The following TMEM178B variants were observed in gnomAD, a reference collection of about 807,000 sequenced individuals.
TMEM178B encodes transmembrane protein 178B.
A neutral mutation model predicts 31.0 loss-of-function variants in TMEM178B; 5 were observed. The ratio of observed to expected loss-of-function variants is 0.16; its 90% CI spans 0.08 to 0.34. TMEM178B has a LOEUF of 0.34. Ranked by LOEUF, TMEM178B falls within the 10% of genes least tolerant of loss-of-function variation. The pLI, the probability that TMEM178B is intolerant of heterozygous loss-of-function variation, is 1.00. For synonymous variants in TMEM178B, 164 were observed against 164.0 expected, an observed-to-expected ratio of 1.00 and a Z score of 0.00; for missense variants, 275 against 400.3, an observed-to-expected ratio of 0.69 and a Z score of 2.67.
intron 3 of TMEM178B, among the ~76,000 whole-genome samples, chr7:141,456,091 C>G (rs1801956778): frequency 6.6e-6 from 1 of 152,208 alleles, no homozygotes; most frequent in African/African-American, 2.4e-5. Context: ...ATAATGACAT[C>G]TAATGGTCTC....
chr7:141,379,235 G>A (rs937967564), intron 2 of TMEM178B, among the ~76,000 whole-genome samples: 1 of 151,860 alleles, frequency 6.6e-6, no homozygotes, highest in Non-Finnish European at 1.5e-5. Flanking sequence ...GGGAGATCAA[G>A]GTGGGAGAAT....
At chr7:141,487,229 C>G in the TMEM178B span, among the ~76,000 whole-genome samples, 2 of 152,046 alleles carry the variant, frequency 1.3e-5, no homozygotes, top group South Asian at 4.2e-4. Context: ...ACGGACCTAC[C>G]AAGGGACATG....
At chr7:141,103,396 A>T (rs1795090119) in intron 1 of TMEM178B, among the ~76,000 whole-genome samples, 1 of 152,222 alleles carries the variant, frequency 6.6e-6, no homozygotes, top group African/African-American at 2.4e-5. Context: ...GAGTGCCTTC[A>T]GAATCCCATG....
chr7:141,510,708 A>G, the TMEM178B span, among the ~76,000 whole-genome samples: 2 of 135,436 alleles, frequency 1.5e-5, no homozygotes, highest in South Asian at 2.2e-4. Flanking sequence ...AAAAAAAAAA[A>G]AAAAGAAAAA....
At chr7:141,250,320 C>A (rs563763278) in intron 2 of TMEM178B, among the ~76,000 whole-genome samples, 1 of 152,234 alleles carries the variant, frequency 6.6e-6, no homozygotes, top group East Asian at 1.9e-4. Context: ...ATCATTATCC[C>A]ACTTTATAGA....
At chr7:141,323,830 C>CA (rs1018487231) in intron 2 of TMEM178B, among the ~76,000 whole-genome samples, 2 of 151,378 alleles carry the variant, frequency 1.3e-5, no homozygotes, top group African/African-American at 2.4e-5. Context: ...TACAAAGTAG[C>CA]AAAAAAAGCA....
At position 141,074,336 on chromosome 7, in the gene TMEM178B, A is replaced by G. The variant is rs1794559720; in HGVS notation, c.26A>G (p.Tyr9Cys). The change falls in exon 1 of 4, where the codon TAC becomes TGC. Residue 9 changes from tyrosine (Y) to cysteine (C), a missense_variant. By Grantham distance (194) the Tyr-to-Cys change is radical. Coordinates refer to ENST00000565468, the MANE Select transcript of TMEM178B (RefSeq NM_001195278.2). The surrounding 1 kb of genome is among the most constrained non-coding windows in gnomAD (Gnocchi z 5.1). MAAGRLLLYTGLSLALCAL... is the reference protein window; with the variant it reads MAAGRLLLCTGLSLALCAL... Reference sequence around the variant, plus strand: ...ATGGCTGCCGGAAGGTTACTGCTCTACACTGGCCTCTCGCTAGCGCTCTGC... The same window carrying G: ...ATGGCTGCCGGAAGGTTACTGCTCTGCACTGGCCTCTCGCTAGCGCTCTGC... The G allele has an allele frequency of 6.5e-7, 1 of 1,535,640 alleles. No homozygotes were observed. The highest frequency in any genetic ancestry group is 8.7e-7 in the Non-Finnish European group (1 of 1,146,692).
chr7:141,314,497 C>T (rs1000762292), intron 2 of TMEM178B, among the ~76,000 whole-genome samples: 3 of 152,144 alleles, frequency 2.0e-5, no homozygotes, highest in Non-Finnish European at 4.4e-5. Flanking sequence ...GCTCTCCTTC[C>T]ACCACATACT....
chr7:141,121,140 C>T (rs532688017), intron 1 of TMEM178B, among the ~76,000 whole-genome samples: 1 of 151,656 alleles, frequency 6.6e-6, no homozygotes, highest in Admixed American at 6.6e-5. Flanking sequence ...TGGTTAAATC[C>T]CTTGTCAGTG....
intron 1 of TMEM178B, among the ~76,000 whole-genome samples, chr7:141,082,788 G>A (rs892121858): frequency 2.0e-5 from 3 of 152,218 alleles, no homozygotes; most frequent in Non-Finnish European, 4.4e-5. Context: ...TCATTGTCAT[G>A]TGCAGTGGTA....
At chr7:141,253,734 T>C (rs556741953) in intron 2 of TMEM178B, among the ~76,000 whole-genome samples, 11 of 152,026 alleles carry the variant, frequency 7.2e-5, no homozygotes, top group Admixed American at 2.0e-4. Context: ...GTATTTTTAG[T>C]AGAGACGGGG....
chr7:141,184,655 ACTTCT>A (rs1481949823), intron 1 of TMEM178B, among the ~76,000 whole-genome samples: 1 of 152,008 alleles, frequency 6.6e-6, no homozygotes, highest in Admixed American at 6.5e-5. Context: ...ATTTTGTTAA[ACTTCT>A]CTTCTCTAGG....
chr7:141,349,005 CAAAGGA>C (rs1799665746), intron 2 of TMEM178B, among the ~76,000 whole-genome samples: 5 of 152,160 alleles, frequency 3.3e-5, no homozygotes, highest in Admixed American at 1.3e-4. Flanking sequence ...TGACATACAG[CAAAGGA>C]AAAAGATCAA....
chr7:141,490,416 A>G, the TMEM178B span, among the ~76,000 whole-genome samples: 1 of 152,222 alleles, frequency 6.6e-6, no homozygotes, highest in Non-Finnish European at 1.5e-5. Context: ...CTAGATGAAC[A>G]TAAAGGCAAA....
In TMEM178B at chr7:141,267,957, T is replaced by C. The variant is rs536530121; in HGVS notation, c.496+55253T>C. On this transcript the variant is annotated intron_variant, in intron 2 of 3. Transcript: ENST00000565468. ...CCCTGAAAGTCAGTGTTGGAGCTGA[T>C]AAAGAGGCACGAGCCTGATTCCAGC... Among the ~76,000 whole-genome samples the C allele has an allele frequency of 3.9e-5, 6 of 152,324 alleles. No individual in the cohort carries two copies. The South Asian group carries it at 1.2e-3, about 32-fold the overall frequency.
In TMEM178B at chr7:141,454,695, C is replaced by G. The variant is rs117047867; in HGVS notation, c.635-15841C>G. ...ATCTGCTCTACAGATTCAAACGTTCCCTCCTAAAATGTAAACCTGGAGAGA... is the reference window on the plus strand; with the variant it reads ...ATCTGCTCTACAGATTCAAACGTTCGCTCCTAAAATGTAAACCTGGAGAGA... On this transcript the variant is annotated intron_variant, in intron 3 of 3. Coordinates refer to ENST00000565468, the MANE Select transcript of TMEM178B (RefSeq NM_001195278.2). 4.2e-3 allele frequency among the ~76,000 whole-genome samples: 645 copies of G among 151,914 alleles called. 3 individuals are homozygous for G. Among genetic ancestry groups the G allele is most frequent in the Admixed American group, 6.4e-3 (98 of 15,256 alleles).
Position 141,074,145 on chromosome 7 carries a change from G to A in TMEM178B, c.-166G>A. The A allele has an allele frequency of 9.4e-7, 1 of 1,062,144 alleles. No homozygotes were observed. Among genetic ancestry groups the A allele is most frequent in the Non-Finnish European group, 1.3e-6 (1 of 785,470 alleles). 65.8% of individuals were successfully genotyped at this position (1,062,144 alleles called of 1,614,324 possible). A position where few individuals can be genotyped will look rare whatever the true frequency, so the allele number is the denominator to read the frequency against. ...TAGGCCGCCCGCCCCCATCCCCGCA[G>A]TCCCCGGGCCGTGCTCCGGTAGGCG... is the stretch of plus-strand genomic sequence containing the variant. On this transcript the variant is annotated 5_prime_UTR_variant, in exon 1 of 4. Transcript: ENST00000565468. The surrounding 1 kb of genome is among the most constrained non-coding windows in gnomAD (Gnocchi z 5.1).
intron 2 of TMEM178B, among the ~76,000 whole-genome samples, chr7:141,399,360 C>G (rs996345471): frequency 3.3e-5 from 5 of 152,190 alleles, no homozygotes; most frequent in Non-Finnish European, 7.3e-5. Context: ...TGTGGGGAAG[C>G]TAGTGGGAAA....
chr7:141,334,429 C>T (rs1053291891), intron 2 of TMEM178B, among the ~76,000 whole-genome samples: 69 of 152,328 alleles, frequency 4.5e-4, no homozygotes, highest in African/African-American at 1.6e-3. Flanking sequence ...GTAGTCATCA[C>T]ATGCTAGCTA....
Sources: gnomAD v4.1 joint callset for allele counts (sites outside exome capture counted in the v4.1 genomes callset) on GRCh38, gnomAD v4.1.1 for gene constraint, Gnocchi (gnomAD v3.1) non-coding constraint, MANE v1.5 for transcripts, NCBI Gene and HGNC (gene_info 2026-07-23, HGNC 2026-07-21) for gene names.